The following TLN2 variants were observed in gnomAD, a reference collection of about 807,000 sequenced individuals.
The protein encoded by TLN2 is talin-2.
TLN2 carries 118 observed loss-of-function variants against 294.7 expected under a neutral mutation model. The observed-to-expected ratio is 0.40, with a 90% CI of 0.34 to 0.47. The LOEUF (loss-of-function observed/expected upper bound fraction) is 0.47, where lower values mean the gene tolerates loss of function less well. Among genes scored for constraint, TLN2 ranks in the 20% least tolerant of loss-of-function variants. TLN2 has a pLI of 0.84. For synonymous variants in TLN2, 1,431 were observed against 1,304.5 expected (o/e 1.10, Z -2.09); for missense variants, 3,083 against 3,282.2 (o/e 0.94, Z 1.48).
chr15:62,571,019 C>G (rs1370080878), intron 1 of TLN2, among the ~76,000 whole-genome samples: 1 of 151,882 alleles, frequency 6.6e-6, no homozygotes, highest in African/African-American at 2.4e-5. Flanking sequence ...TGTAGTCAGC[C>G]TGGTCATAAT....
At chr15:62,448,283 T>C (rs1193597799) in intron 1 of TLN2, among the ~76,000 whole-genome samples, 1 of 152,228 alleles carries the variant, frequency 6.6e-6, no homozygotes, top group African/African-American at 2.4e-5. Flanking sequence ...TAATTCCGTA[T>C]AGCTGCTCTT....
intron 1 of TLN2, among the ~76,000 whole-genome samples, chr15:62,528,579 C>A (rs2040860204): frequency 6.6e-6 from 1 of 151,956 alleles, no homozygotes; most frequent in African/African-American, 2.4e-5. Context: ...TGCCAGGAGC[C>A]CACATACTTC....
At position 62,821,338 on chromosome 15, in the gene TLN2, T is replaced by G. The variant is rs76976527; in HGVS notation, c.7002+728T>G. Among the ~76,000 whole-genome samples, 582 of 152,350 alleles carry G rather than the reference T, an allele frequency of 3.8e-3. 2 individuals carry two copies. Among genetic ancestry groups the G allele is most frequent in the African/African-American group, 0.012 (508 of 41,580 alleles). ...TAGAACCAGAGGCGGCCTGTTTTTC[T>G]TCCTATTCAAGTAAGTCCCTGGTGG... On this transcript the variant is annotated intron_variant, in intron 54 of 58. Coordinates refer to ENST00000636159, the MANE Select transcript of TLN2 (RefSeq NM_015059.3).
Position 62,644,929 on chromosome 15 carries a change from G to A in TLN2, c.-36-2346G>A, listed in dbSNP as rs541170354. The A allele has an allele frequency of 1.7e-4, 40 of 241,878 alleles. No individual in the cohort carries two copies. In the Middle Eastern group the frequency reaches 4.6e-3, roughly 28 times the overall value. 15.0% of individuals were successfully genotyped at this position (241,878 alleles called of 1,614,324 possible). On this transcript the variant is annotated intron_variant, in intron 3 of 58. Coordinates refer to ENST00000636159, the MANE Select transcript of TLN2 (RefSeq NM_015059.3). ...CACGCAGCAACGCTTACAACACTTC[G>A]TTTTCCGAGGGAACAGACGATATTA... is the stretch of plus-strand genomic sequence containing the variant.
At chr15:62,812,011 C>CA (rs149518523) in intron 52 of TLN2, among the ~76,000 whole-genome samples, 5 of 130,676 alleles carry the variant, frequency 3.8e-5, no homozygotes, top group African/African-American at 1.5e-4. Context: ...GACTCCATCT[C>CA]AATAAATAAA....
chr15:62,542,206 T>C (rs911166287), intron 1 of TLN2, among the ~76,000 whole-genome samples: 2 of 152,178 alleles, frequency 1.3e-5, no homozygotes, highest in African/African-American at 4.8e-5. Flanking sequence ...TTTTCTTTTT[T>C]TTTGAGAGAG....
intron 28 of TLN2, among the ~76,000 whole-genome samples, chr15:62,727,801 T>G (rs553157484): frequency 6.6e-6 from 1 of 152,344 alleles, no homozygotes; most frequent in South Asian, 2.1e-4. Flanking sequence ...ATATCTCAAA[T>G]TTTAAAACCA....
At chr15:62,562,832 AAT>A (rs2043073299) in intron 1 of TLN2, among the ~76,000 whole-genome samples, 2 of 151,250 alleles carry the variant, frequency 1.3e-5, no homozygotes, top group South Asian at 4.2e-4. Context: ...CATTTAGAAT[AAT>A]AGTCTCCAGT....
chr15:62,702,029 T>G lies in TLN2; in HGVS notation c.1734T>G (p.Cys578Trp). ...PADTDYTAVG[C>W]AITTISSNLT... ...ACACTGACTACACAGCTGTGGGATG[T>G]GCGATCACCACTATTTCTTCCAACC... The change falls in exon 18 of 59, where the codon TGT (cysteine) becomes TGG (tryptophan). Residue 578 changes from cysteine to tryptophan, a missense_variant. Cys to Trp is a radical substitution (Grantham distance 215). Transcript: ENST00000636159. 6.2e-7 allele frequency: 1 copy of G among 1,614,218 alleles called. No homozygotes were observed. Among genetic ancestry groups the G allele is most frequent in the Non-Finnish European group, 8.5e-7 (1 of 1,180,050 alleles).
chr15:62,807,104 C>T (rs533491469), intron 51 of TLN2, among the ~76,000 whole-genome samples: 14 of 152,136 alleles, frequency 9.2e-5, no homozygotes, highest in African/African-American at 2.9e-4. Flanking sequence ...TCACACAGGA[C>T]GCAGGGCTTG....
At chr15:62,698,681 CT>C in intron 15 of TLN2, 72 bp from the exon 16 acceptor site, 1 of 1,302,472 alleles carries the variant, frequency 7.7e-7, no homozygotes, top group Non-Finnish European at 1.1e-6. Flanking sequence ...TTCTGTTTTG[CT>C]TTGTTTTGCA....
intron 1 of TLN2, among the ~76,000 whole-genome samples, chr15:62,528,590 C>T (rs1472014229): frequency 6.6e-6 from 1 of 151,706 alleles, no homozygotes; most frequent in Non-Finnish European, 1.5e-5. Context: ...CACATACTTC[C>T]TCTGTTAGAG....
chr15:62,656,569 G>A (rs550827716), intron 8 of TLN2, among the ~76,000 whole-genome samples: 1 of 152,290 alleles, frequency 6.6e-6, no homozygotes, highest in South Asian at 2.1e-4. Flanking sequence ...TTCCCAGTAT[G>A]TAAGATGTGG....
intron 1 of TLN2, among the ~76,000 whole-genome samples, chr15:62,454,226 A>C (rs969400360): frequency 1.3e-5 from 2 of 152,046 alleles, no homozygotes; most frequent in Admixed American, 1.3e-4. Context: ...TTTCTTTTCC[A>C]CTGATGTCAG....
At chr15:62,834,374 TGTG>T (rs942259258) in intron 55 of TLN2, 2 of 152,110 alleles carry the variant, frequency 1.3e-5, no homozygotes, top group African/African-American at 4.8e-5. Flanking sequence ...GTTTGGGAAA[TGTG>T]GTCACCATCA....
chr15:62,753,356 A>C (rs2062040418), intron 35 of TLN2, among the ~76,000 whole-genome samples: 1 of 152,082 alleles, frequency 6.6e-6, no homozygotes, highest in African/African-American at 2.4e-5. Flanking sequence ...CTGACCCAGC[A>C]GCTCCACACC....
At chr15:62,668,722 C>T (rs181782525) in intron 9 of TLN2, among the ~76,000 whole-genome samples, 3 of 152,144 alleles carry the variant, frequency 2.0e-5, no homozygotes, top group Non-Finnish European at 4.4e-5. Context: ...GTAGAATTAT[C>T]TAAAGGGCTT....
At chr15:62,518,273 G>A (rs996138657) in intron 1 of TLN2, among the ~76,000 whole-genome samples, 88 of 152,160 alleles carry the variant, frequency 5.8e-4, no homozygotes, top group African/African-American at 2.1e-3. Context: ...TCCTGACCTT[G>A]TGATCTGCCT....
intron 1 of TLN2, among the ~76,000 whole-genome samples, chr15:62,550,330 T>C (rs2042226984): frequency 6.6e-6 from 1 of 152,210 alleles, no homozygotes; most frequent in African/African-American, 2.4e-5. Context: ...GAATAATGAC[T>C]TGGCTCTAAA....
Sources: gnomAD v4.1 joint callset for allele counts (sites outside exome capture counted in the v4.1 genomes callset) on GRCh38, gnomAD v4.1.1 for gene constraint, MANE v1.5 for transcripts, NCBI Gene and HGNC (gene_info 2026-07-23, HGNC 2026-07-21) for gene names.